CCDC149: variants seen among roughly 807,000 people sequenced by gnomAD.
CCDC149 encodes coiled-coil domain containing 149, also known as coiled-coil domain-containing protein 149.
A neutral mutation model predicts 59.9 loss-of-function variants in CCDC149; 45 were observed. That is an observed-to-expected ratio of 0.75 (90% confidence interval 0.59 to 0.96). The LOEUF (loss-of-function observed/expected upper bound fraction) is 0.96. Ranked by LOEUF, CCDC149 falls within the 40% of genes least tolerant of loss-of-function variation. The pLI is 0.00. For missense variants in CCDC149, 584 were observed against 664.7 expected (o/e 0.88, Z 1.33); for synonymous variants, 245 against 260.6 (o/e 0.94, Z 0.58).
At chr4:24,883,385 G>A (rs1719964379) in intron 1 of CCDC149, among the ~76,000 whole-genome samples, 1 of 129,834 alleles carries the variant, frequency 7.7e-6, no homozygotes, top group Admixed American at 9.3e-5. Context: ...GAAAACTACT[G>A]TTCTCTAATA....
chr4:24,843,624 A>C (rs1717074725), intron 4 of CCDC149, among the ~76,000 whole-genome samples: 2 of 152,222 alleles, frequency 1.3e-5, no homozygotes, highest in African/African-American at 2.4e-5. Context: ...ACTTAAAACA[A>C]AGCAAATCAA....
At chr4:24,826,896 C>T (rs1045623101) in intron 9 of CCDC149, 7 of 152,206 alleles carry the variant, frequency 4.6e-5, no homozygotes, top group Non-Finnish European at 8.8e-5. Flanking sequence ...AGATAAACAG[C>T]AGTAGCTCGA....
chr4:24,860,007 G>T (rs536723441), intron 3 of CCDC149, among the ~76,000 whole-genome samples: 6 of 152,292 alleles, frequency 3.9e-5, no homozygotes, highest in African/African-American at 1.4e-4. Context: ...TTGTGAAAAT[G>T]ACCATACTGC....
At chr4:24,964,164 A>G (rs1191970192) in intron 1 of CCDC149, among the ~76,000 whole-genome samples, 1 of 143,982 alleles carries the variant, frequency 6.9e-6, no homozygotes, top group Non-Finnish European at 1.5e-5. Context: ...ACTGTACTCT[A>G]GCCTGGGCAA....
intron 4 of CCDC149, among the ~76,000 whole-genome samples, chr4:24,851,715 C>T (rs187565136): frequency 6.6e-6 from 1 of 152,184 alleles, no homozygotes; most frequent in Non-Finnish European, 1.5e-5. Context: ...AAAACTATTG[C>T]ATACATTTTG....
At chr4:24,971,393 A>G (rs28818895) in intron 1 of CCDC149, among the ~76,000 whole-genome samples, 4,201 of 152,264 alleles carry the variant, frequency 0.028, 167 homozygotes, top group African/African-American at 0.095. Context: ...GTCAGGAGTA[A>G]GCCAAGGCAG....
intron 12 of CCDC149, among the ~76,000 whole-genome samples, chr4:24,810,467 C>A (rs1233931480): frequency 6.6e-6 from 1 of 152,146 alleles, no homozygotes; most frequent in Non-Finnish European, 1.5e-5. Context: ...TCCTGGACCC[C>A]CTTTCCAGTC....
chr4:24,918,592 C>T (rs901294694), intron 1 of CCDC149, among the ~76,000 whole-genome samples: 12 of 152,194 alleles, frequency 7.9e-5, no homozygotes, highest in Non-Finnish European at 1.6e-4. Context: ...AGGAGATTCA[C>T]GACTCTAAGG....
intron 1 of CCDC149, among the ~76,000 whole-genome samples, chr4:24,931,829 G>GTATATATATATATCTATATATATATATA (rs1722598128): frequency 1.3e-5 from 1 of 76,908 alleles, no homozygotes; most frequent in Admixed American, 1.3e-4. Context: ...TGGAGAGTAT[G>GTATATATATATATCTATATATATATATA]TATATATATA....
At chr4:24,843,672 C>T (rs541902356) in intron 4 of CCDC149, among the ~76,000 whole-genome samples, 8 of 152,302 alleles carry the variant, frequency 5.3e-5, no homozygotes, top group South Asian at 4.1e-4. Context: ...GAGATCAACA[C>T]GCACACACTC....
At chr4:24,962,190 G>T (rs1200637909) in intron 1 of CCDC149, among the ~76,000 whole-genome samples, 2 of 152,196 alleles carry the variant, frequency 1.3e-5, no homozygotes, top group Non-Finnish European at 2.9e-5. Context: ...CATCCATGCA[G>T]CCAAAAGACC....
Position 24,831,503 on chromosome 4 carries a change from T to G in CCDC149, c.965+3A>C. ...CCCCCAACACAAGAGTTTGGCCACC[T>G]ACTTGTTGGTTTGCCTCTGGTGCTG... On this transcript the variant is annotated splice_donor_region_variant and intron_variant, in intron 9 of 12. Coordinates refer to ENST00000635206, the MANE Select transcript of CCDC149 (RefSeq NM_001330643.2). 2 of 1,613,742 alleles carry G rather than the reference T, an allele frequency of 1.2e-6. No individual in the cohort carries two copies.
downstream of CCDC149, among the ~76,000 whole-genome samples, chr4:24,805,043 A>T (rs1714083309): frequency 6.6e-6 from 1 of 152,192 alleles, no homozygotes; most frequent in African/African-American, 2.4e-5. Flanking sequence ...AGCAAGAGTG[A>T]GGGATGAGAA....
At chr4:24,840,582 T>C (rs1284459132) in intron 4 of CCDC149, among the ~76,000 whole-genome samples, 1 of 152,122 alleles carries the variant, frequency 6.6e-6, no homozygotes, top group East Asian at 1.9e-4. Flanking sequence ...AAATGTCCTT[T>C]TCATGATCTA....
chr4:24,830,360 GGTT>G (rs1407824825), intron 9 of CCDC149: 6 of 152,222 alleles, frequency 3.9e-5, no homozygotes, highest in African/African-American at 1.4e-4. Context: ...TTCATTCCTT[GGTT>G]AAGATTTCAC....
At chr4:24,923,947 G>A (rs760242113) in intron 1 of CCDC149, among the ~76,000 whole-genome samples, 8 of 152,124 alleles carry the variant, frequency 5.3e-5, no homozygotes, top group Admixed American at 1.3e-4. Flanking sequence ...TCTTCACCTC[G>A]GATACTGCCC....
In CCDC149 at chr4:24,965,465, TAA is replaced by T. The variant is rs1270346052; in HGVS notation, c.-65+14602_-65+14603del. Reference sequence around the variant, plus strand: ...ATATGTTCTCTGACCACAGTGGAATTAAATTTGAAGTTAACGACAGAAAAATC... The same window carrying T: ...ATATGTTCTCTGACCACAGTGGAATTATTTGAAGTTAACGACAGAAAAATC... On this transcript the variant is annotated intron_variant, in intron 1 of 12. Transcript: ENST00000389609. Among the ~76,000 whole-genome samples the T allele has an allele frequency of 6.6e-3, 975 of 146,968 alleles. 9 individuals are homozygous for T. Among genetic ancestry groups the T allele is most frequent in the African/African-American group, 0.02 (743 of 37,448 alleles).
At chr4:24,875,229 C>G (rs1350151822) in intron 2 of CCDC149, among the ~76,000 whole-genome samples, 1 of 151,796 alleles carries the variant, frequency 6.6e-6, no homozygotes. Flanking sequence ...ACTCGGGAGG[C>G]TGAGGCAGGA....
chr4:24,869,472 C>A (rs1305073122), intron 3 of CCDC149, among the ~76,000 whole-genome samples: 1 of 152,230 alleles, frequency 6.6e-6, no homozygotes, highest in Non-Finnish European at 1.5e-5. Flanking sequence ...TGGAACCTGT[C>A]TTTGGAGCAA....
Sources: allele counts gnomAD v4.1 joint callset (sites outside exome capture counted in the v4.1 genomes callset), GRCh38; gene constraint gnomAD v4.1.1; transcripts MANE v1.5; gene names NCBI Gene and HGNC (gene_info 2026-07-23, HGNC 2026-07-21).